CNST: variants seen among roughly 807,000 people sequenced by gnomAD.
The protein encoded by CNST is consortin.
CNST carries 39 observed loss-of-function variants against 72.4 expected under a neutral mutation model. The observed-to-expected ratio is 0.54, with a 90% CI of 0.42 to 0.70. CNST has a LOEUF of 0.70. Ranked by LOEUF, CNST falls within the 30% of genes least tolerant of loss-of-function variation. The probability of loss-of-function intolerance (pLI) is 0.00; values close to 1 mark genes in which losing one functional copy is unlikely to be tolerated. For synonymous variants in CNST, 332 were observed against 320.1 expected, an observed-to-expected ratio of 1.04 and a Z score of -0.40; for missense variants, 871 against 868.5, an observed-to-expected ratio of 1.00 and a Z score of -0.04.
intron 1 of CNST, among the ~76,000 whole-genome samples, chr1:246,589,832 C>T (rs543461176): frequency 0.013 from 1,922 of 152,166 alleles, 16 homozygotes; most frequent in Middle Eastern, 0.027. Context: ...TGGTATCTCA[C>T]TGTGGTTTTG....
intron 2 of CNST, among the ~76,000 whole-genome samples, chr1:246,616,997 A>G (rs1663750133): frequency 6.6e-6 from 1 of 152,190 alleles, no homozygotes; most frequent in Non-Finnish European, 1.5e-5. Flanking sequence ...AAATCTTAGT[A>G]TATTATAAAG....
intron 2 of CNST, among the ~76,000 whole-genome samples, chr1:246,593,607 G>T (rs1003957485): frequency 6.6e-6 from 1 of 152,140 alleles, no homozygotes; most frequent in South Asian, 2.1e-4. Context: ...CTCCCAAAGT[G>T]CTGGGATTAA....
intron 1 of CNST, among the ~76,000 whole-genome samples, chr1:246,585,598 A>G (rs1015318805): frequency 1.3e-5 from 2 of 149,108 alleles, no homozygotes; most frequent in Non-Finnish European, 3.0e-5. Context: ...GTGAGCCAAG[A>G]TCACACCACT....
chr1:246,599,437 C>G (rs61852376), intron 2 of CNST, among the ~76,000 whole-genome samples: 7,757 of 152,282 alleles, frequency 0.051, 257 homozygotes, highest in Middle Eastern at 0.11. Flanking sequence ...TTCCCACATT[C>G]CCCAGCTTCT....
At chr1:246,595,089 G>A (rs532052829) in intron 2 of CNST, among the ~76,000 whole-genome samples, 1 of 152,256 alleles carries the variant, frequency 6.6e-6, no homozygotes, top group East Asian at 1.9e-4. Flanking sequence ...ACTCCTGTCT[G>A]CCCGGGCTGG....
At chr1:246,646,086 T>C (rs1040778553) in intron 8 of CNST, among the ~76,000 whole-genome samples, 1 of 151,858 alleles carries the variant, frequency 6.6e-6, no homozygotes, top group Non-Finnish European at 1.5e-5. Flanking sequence ...TAAACCATCC[T>C]GGCTAACACG....
chr1:246,575,143 G>A (rs1460472659), intron 1 of CNST, among the ~76,000 whole-genome samples: 3 of 152,048 alleles, frequency 2.0e-5, no homozygotes, highest in Admixed American at 6.6e-5. Context: ...ACAGGCACCC[G>A]CCGCCAAGCC....
intron 2 of CNST, among the ~76,000 whole-genome samples, chr1:246,601,509 T>C (rs1418992421): frequency 2.0e-5 from 3 of 150,436 alleles, no homozygotes; most frequent in Non-Finnish European, 4.4e-5. Context: ...TAAATAAAAT[T>C]AATGGCCTGG....
chr1:246,647,897 G>A lies in CNST; in HGVS notation c.1696G>A (p.Glu566Lys). Residue 566 changes from glutamate to lysine, a missense_variant, in exon 9 of 11, where the codon GAA (glutamate) becomes AAA (lysine). Coordinates refer to ENST00000366513, the MANE Select transcript of CNST (RefSeq NM_152609.3). ...LKDTEDSLSY[E>K]DNQDDDSDLL... ...AGATACTGAAGATTCCCTTTCCTAT[G>A]AAGATAACCAAGACGACGACTCCGA... is the stretch of plus-strand genomic sequence containing the variant. 3 of 1,614,004 alleles carry A rather than the reference G, an allele frequency of 1.9e-6. No homozygotes were observed. Among genetic ancestry groups the A allele is most frequent in the Non-Finnish European group, 2.5e-6 (3 of 1,180,020 alleles).
intron 1 of CNST, among the ~76,000 whole-genome samples, chr1:246,585,570 C>T (rs748466956): frequency 6.9e-5 from 10 of 145,636 alleles, no homozygotes; most frequent in South Asian, 4.5e-4. Flanking sequence ...TCACTTGAAT[C>T]GGGAGGCAGA....
rs773373417 is a variant in CNST at position 246,591,911 on chromosome 1, A to C, written c.349A>C (p.Lys117Gln). 6.2e-7 allele frequency: 1 copy of C among 1,613,136 alleles called. No homozygotes were observed. The highest frequency in any genetic ancestry group is 1.7e-5 in the Admixed American group (1 of 59,836). The part of the protein sequence containing the change: ...KIPGKRSPRS[K>Q]KGTAKKIPPG... ...TCCTGGAAAAAGAAGTCCAAGAAGC[A>C]AAAAAGGGACTGCTAAGAAGATACC... is the stretch of plus-strand genomic sequence containing the variant. The change falls in exon 2 of 11, where the codon AAA becomes CAA. Residue 117 changes from lysine to glutamine, a missense_variant. Physicochemically the swap from Lys to Gln is moderately conservative, Grantham distance 53 (BLOSUM62 1). Coordinates refer to ENST00000366513, the MANE Select transcript of CNST (RefSeq NM_152609.3).
chr1:246,607,966 A>C (rs1324562348), intron 2 of CNST: 1 of 152,174 alleles, frequency 6.6e-6, no homozygotes, highest in Non-Finnish European at 1.5e-5. Context: ...CTGTAGTCCC[A>C]GCTGCTCGGG....
At chr1:246,626,403 A>G (rs915227812) in intron 3 of CNST, among the ~76,000 whole-genome samples, 4 of 139,974 alleles carry the variant, frequency 2.9e-5, no homozygotes, top group Non-Finnish European at 4.6e-5. Flanking sequence ...ATCTCTTCTC[A>G]TTCTGAATTC....
At chr1:246,621,710 C>T in intron 3 of CNST, 76 bp downstream of exon 3, 1 of 1,289,990 alleles carries the variant, frequency 7.8e-7, no homozygotes, top group Non-Finnish European at 1.1e-6. Flanking sequence ...AAAATGCTGT[C>T]TTGGCTGGGC....
At chr1:246,660,094 C>T in intron 9 of CNST, 105 bp from the exon 10 acceptor site, 3 of 857,582 alleles carry the variant, frequency 3.5e-6, no homozygotes, top group Non-Finnish European at 3.6e-6. Flanking sequence ...ATTGGATACC[C>T]CTGTAATAAA....
intron 2 of CNST, among the ~76,000 whole-genome samples, chr1:246,604,407 G>T (rs1193793484): frequency 1.3e-5 from 2 of 152,158 alleles, no homozygotes; most frequent in Non-Finnish European, 2.9e-5. Context: ...GCCATTAAAT[G>T]TGTTTCTCTG....
In CNST at chr1:246,626,451, C is replaced by CTTTTT. The variant is rs74163468; in HGVS notation, c.585+4837_585+4841dup. Among the ~76,000 whole-genome samples, 265 of 79,948 alleles carry CTTTTT rather than the reference C, an allele frequency of 3.3e-3. 6 individuals are homozygous for CTTTTT. Among genetic ancestry groups the CTTTTT allele is most frequent in the Non-Finnish European group, 4.0e-3 (175 of 44,144 alleles). 52.4% of individuals were successfully genotyped at this position (79,948 alleles called of 152,430 possible). On this transcript the variant is annotated intron_variant, in intron 3 of 10. Coordinates refer to ENST00000366513, the MANE Select transcript of CNST (RefSeq NM_152609.3). Reference sequence around the variant, plus strand: ...TTTCATCCAATCCTGTAGGTTTGTCCTTTTTTTTTTTTTTTTTTTTTTTTG... The same window carrying CTTTTT: ...TTTCATCCAATCCTGTAGGTTTGTCCTTTTTTTTTTTTTTTTTTTTTTTTTTTTTG...
intron 6 of CNST, among the ~76,000 whole-genome samples, chr1:246,638,648 C>T (rs1337249005): frequency 6.6e-6 from 1 of 152,088 alleles, no homozygotes; most frequent in African/African-American, 2.4e-5. Context: ...AGCAGATTGG[C>T]TTCAATAGTG....
At chr1:246,638,782 A>G (rs1170147193) in intron 6 of CNST, among the ~76,000 whole-genome samples, 1 of 152,168 alleles carries the variant, frequency 6.6e-6, no homozygotes, top group Non-Finnish European at 1.5e-5. Context: ...TGGAAAAAGT[A>G]TAAGAAAGGT....
Sources: allele counts gnomAD v4.1 joint callset (sites outside exome capture counted in the v4.1 genomes callset), GRCh38; gene constraint gnomAD v4.1.1; transcripts MANE v1.5; gene names NCBI Gene and HGNC (gene_info 2026-07-23, HGNC 2026-07-21).